RABGAP1L: variants seen among roughly 807,000 people sequenced by gnomAD.
RABGAP1L encodes rab GTPase-activating protein 1-like.
A neutral mutation model predicts 137.7 loss-of-function variants in RABGAP1L; 63 were observed. The ratio of observed to expected loss-of-function variants is 0.46; its 90% CI spans 0.37 to 0.56. The LOEUF is 0.56. RABGAP1L is among the 20% of genes least tolerant of loss of function. RABGAP1L has a pLI of 0.00. For missense variants in RABGAP1L, 1,095 were observed against 1,244.0 expected (o/e 0.88, Z 1.80); for synonymous variants, 431 against 433.7 (o/e 0.99, Z 0.08).
intron 13 of RABGAP1L, among the ~76,000 whole-genome samples, chr1:174,597,820 T>C (rs775696527): frequency 2.0e-5 from 3 of 152,226 alleles, no homozygotes; most frequent in Non-Finnish European, 4.4e-5. Flanking sequence ...TTGCTTTCAC[T>C]GTATTCCAGA....
At chr1:174,629,958 C>A (rs1206207486) in intron 13 of RABGAP1L, among the ~76,000 whole-genome samples, 2 of 152,036 alleles carry the variant, frequency 1.3e-5, no homozygotes, top group Non-Finnish European at 2.9e-5. Flanking sequence ...GAGAGGGCAT[C>A]CCTGTCTTGT....
At chr1:174,496,156 T>G (rs1263149564) in intron 13 of RABGAP1L, among the ~76,000 whole-genome samples, 1 of 152,334 alleles carries the variant, frequency 6.6e-6, no homozygotes, top group East Asian at 1.9e-4. Flanking sequence ...TAACAAAATT[T>G]GAAAATCTGT....
intron 14 of RABGAP1L, among the ~76,000 whole-genome samples, chr1:174,671,021 G>A (rs747998368): frequency 2.6e-5 from 4 of 152,002 alleles, no homozygotes; most frequent in African/African-American, 9.7e-5. Context: ...AGTGTATAAA[G>A]GTACCCTTTT....
rs541457799 is a variant in RABGAP1L at position 174,436,596 on chromosome 1, T to G, written c.1710+42451T>G. ...GTAGGCTGCAAAAATTTTCTCCCAT[T>G]TTGTAGGTTGCCTGTTCACTCTGAT... On this transcript the variant is annotated intron_variant, in intron 13 of 25. Coordinates refer to ENST00000681986, the MANE Select transcript of RABGAP1L (RefSeq NM_001366446.1). Among the ~76,000 whole-genome samples the G allele has an allele frequency of 2.8e-4, 42 of 152,290 alleles. 1 individual carries two copies. In the East Asian group the frequency reaches 5.0e-3, roughly 18 times the overall value.
At chr1:174,465,309 C>T (rs1339313762) in intron 13 of RABGAP1L, among the ~76,000 whole-genome samples, 1 of 152,174 alleles carries the variant, frequency 6.6e-6, no homozygotes, top group Non-Finnish European at 1.5e-5. Context: ...GAGCAATTCT[C>T]CTGCCTCAGC....
chr1:174,229,993 C>G (rs1293891549), intron 3 of RABGAP1L, among the ~76,000 whole-genome samples: 1 of 152,080 alleles, frequency 6.6e-6, no homozygotes, highest in Non-Finnish European at 1.5e-5. Context: ...ATTGTGGAAC[C>G]AACCCAAATG....
intron 1 of RABGAP1L, among the ~76,000 whole-genome samples, chr1:174,168,734 A>G (rs1665113097): frequency 6.6e-6 from 1 of 152,218 alleles, no homozygotes; most frequent in African/African-American, 2.4e-5. Context: ...ATTAAATATT[A>G]CTGTTATTCA....
intron 18 of RABGAP1L, chr1:174,757,089 C>G: frequency 2.0e-6 from 1 of 507,066 alleles, no homozygotes; most frequent in South Asian, 1.5e-5. Flanking sequence ...GACTCTGCCA[C>G]AAAGTCTCGG....
intron 14 of RABGAP1L, among the ~76,000 whole-genome samples, chr1:174,642,970 A>G (rs1674663618): frequency 6.6e-6 from 1 of 151,992 alleles, no homozygotes; most frequent in South Asian, 2.1e-4. Flanking sequence ...TTTTTAGTAG[A>G]GACAGGGTTT....
intron 1 of RABGAP1L, among the ~76,000 whole-genome samples, chr1:174,190,260 A>G (rs940565557): frequency 1.4e-5 from 2 of 145,898 alleles, no homozygotes; most frequent in African/African-American, 5.1e-5. Flanking sequence ...CCAAGATCAC[A>G]CCACTGCACT....
At chr1:174,872,803 G>A (rs1652418980) in intron 19 of RABGAP1L, among the ~76,000 whole-genome samples, 2 of 151,980 alleles carry the variant, frequency 1.3e-5, no homozygotes, top group South Asian at 2.1e-4. Context: ...AGCCTCCCGG[G>A]ATTATGAGTG....
At chr1:174,648,879 T>C (rs759963544) in intron 14 of RABGAP1L, among the ~76,000 whole-genome samples, 1 of 152,160 alleles carries the variant, frequency 6.6e-6, no homozygotes, top group Non-Finnish European at 1.5e-5. Context: ...TGAATCTGGG[T>C]GCTCCTATGT....
intron 8 of RABGAP1L, among the ~76,000 whole-genome samples, chr1:174,272,764 T>G (rs1177246897): frequency 6.6e-6 from 1 of 151,996 alleles, no homozygotes; most frequent in African/African-American, 2.4e-5. Flanking sequence ...TTTGAACCTG[T>G]AGTAACAAGT....
intron 13 of RABGAP1L, among the ~76,000 whole-genome samples, chr1:174,519,219 T>TACAC (rs34114157): frequency 3.3e-4 from 49 of 150,666 alleles, no homozygotes; most frequent in Admixed American, 1.7e-3. Flanking sequence ...CATATATATA[T>TACAC]ACACACACAC....
intron 11 of RABGAP1L, among the ~76,000 whole-genome samples, chr1:174,330,585 TAAACAAAC>T (rs35691938): frequency 1.3e-5 from 2 of 151,246 alleles, no homozygotes; most frequent in South Asian, 2.1e-4. Context: ...ACTCTGTCTT[TAAACAAAC>T]AAACAAACAA....
At chr1:174,797,735 G>A (rs1270790160) in intron 18 of RABGAP1L, among the ~76,000 whole-genome samples, 1 of 150,760 alleles carries the variant, frequency 6.6e-6, no homozygotes, top group Non-Finnish European at 1.5e-5. Context: ...GTGGGTGTGG[G>A]TGTGTGTGTG....
chr1:174,534,774 C>CAAAAAAAAAAAAAAAA (rs1664751235), intron 13 of RABGAP1L, among the ~76,000 whole-genome samples: 1 of 32,222 alleles, frequency 3.1e-5, no homozygotes, highest in Non-Finnish European at 4.9e-5. Context: ...AACTCTGTCT[C>CAAAAAAAAAAAAAAAA]CAAAAAAAAA....
intron 17 of RABGAP1L, among the ~76,000 whole-genome samples, chr1:174,712,663 C>G (rs529090146): frequency 3.9e-5 from 6 of 152,374 alleles, no homozygotes; most frequent in African/African-American, 1.4e-4. Flanking sequence ...TGCAGTCAGG[C>G]TGCCCAGCAG....
At chr1:174,208,187 A>G (rs1387689268) in intron 1 of RABGAP1L, among the ~76,000 whole-genome samples, 1 of 151,992 alleles carries the variant, frequency 6.6e-6, no homozygotes, top group Non-Finnish European at 1.5e-5. Context: ...TGTCCATTGT[A>G]TGTAGGGAGG....
Sources: gnomAD v4.1 joint callset for allele counts (sites outside exome capture counted in the v4.1 genomes callset) on GRCh38, gnomAD v4.1.1 for gene constraint, MANE v1.5 for transcripts, NCBI Gene and HGNC (gene_info 2026-07-23, HGNC 2026-07-21) for gene names.